PRKCZ: variants seen among roughly 807,000 people sequenced by gnomAD.
PRKCZ encodes protein kinase C zeta type.
Under a neutral mutation model 79.5 loss-of-function variants are expected in PRKCZ, and 33 were observed. That is an observed-to-expected ratio of 0.41 (90% CI 0.31 to 0.55). The LOEUF is 0.55. Ranked by LOEUF, PRKCZ falls within the 20% of genes least tolerant of loss-of-function variation. The pLI, the probability that PRKCZ is intolerant of heterozygous loss-of-function variation, is 0.19. For missense variants in PRKCZ, 578 were observed against 813.5 expected, an observed-to-expected ratio of 0.71 and a Z score of 3.52; for synonymous variants, 342 against 320.9, an observed-to-expected ratio of 1.07 and a Z score of -0.70.
In PRKCZ at chr1:2,094,467, C is replaced by A. The variant is rs1261287906; in HGVS notation, c.334+34876C>A. Reference sequence around the variant, plus strand: ...CACCCGCTGTGCCCGGCTCGTTGAACCTTGGGCGCTGCCCGTTCTGAGGCG... The same window carrying A: ...CACCCGCTGTGCCCGGCTCGTTGAAACTTGGGCGCTGCCCGTTCTGAGGCG... On this transcript the variant is annotated intron_variant, in intron 4 of 17. Transcript: ENST00000378567. The surrounding 1 kb of genome is among the most constrained non-coding windows in gnomAD (Gnocchi z 7.3). 1.4e-5 allele frequency among the ~76,000 whole-genome samples: 2 copies of A among 144,018 alleles called. No homozygotes were observed. Among genetic ancestry groups the A allele is most frequent in the East Asian group, 4.3e-4 (2 of 4,692 alleles). 94.5% of individuals were successfully genotyped at this position (144,018 alleles called of 152,430 possible). A position where few individuals can be genotyped will look rare whatever the true frequency, so the allele number is the denominator to read the frequency against.
Position 2,172,129 on chromosome 1 carries a change from T to A in PRKCZ, c.1136T>A (p.Leu379Gln), listed in dbSNP as rs1430371400. ...GGGATCATCTACAGGGACCTGAAGC[T>A]GGACAACGTCCTCCTGGATGCGGAC... ...ERGIIYRDLK[L>Q]DNVLLDADGH... Residue 379 changes from leucine (L) to glutamine (Q), a missense_variant, in exon 12 of 18, where the codon CTG becomes CAG. By Grantham distance (113) the Leu-to-Gln change is moderately radical. Transcript: ENST00000378567. This position sits in a 1 kb window ranked among gnomAD's most constrained non-coding sequence, Gnocchi z 7.8. 1 of 1,613,394 alleles carries A rather than the reference T, an allele frequency of 6.2e-7. No individual in the cohort carries two copies. The highest frequency in any genetic ancestry group is 8.5e-7 in the Non-Finnish European group (1 of 1,179,990).
intron 4 of PRKCZ, among the ~76,000 whole-genome samples, chr1:2,110,372 C>T (rs1474334457): frequency 2.0e-5 from 3 of 152,230 alleles, no homozygotes; most frequent in Non-Finnish European, 4.4e-5. Flanking sequence ...TCTGCAGCTC[C>T]GGCACTGGCT....
chr1:2,101,519 GTTCA>G (rs936765641), intron 4 of PRKCZ, among the ~76,000 whole-genome samples: 1 of 151,994 alleles, frequency 6.6e-6, no homozygotes, highest in Non-Finnish European at 1.5e-5. Flanking sequence ...CATTTCTTTC[GTTCA>G]TTCATTCATT....
At chr1:2,061,782 A>G (rs1169058457) in intron 4 of PRKCZ, among the ~76,000 whole-genome samples, 1 of 152,172 alleles carries the variant, frequency 6.6e-6, no homozygotes, top group African/African-American at 2.4e-5. Flanking sequence ...GTCCCAGGCC[A>G]CCAGGGCTTA....
chr1:2,110,044 C>T (rs1350135648), intron 4 of PRKCZ, among the ~76,000 whole-genome samples: 1 of 151,726 alleles, frequency 6.6e-6, no homozygotes, highest in East Asian at 1.9e-4. Context: ...TGGGGGCAGC[C>T]AAGGACCTAA....
At position 2,178,155 on chromosome 1, in the gene PRKCZ, C is replaced by T. The variant is rs1261056559; in HGVS notation, c.1575+2842C>T. On this transcript the variant is annotated intron_variant, in intron 16 of 17. Transcript: ENST00000378567. This position sits in a 1 kb window ranked among gnomAD's most constrained non-coding sequence, Gnocchi z 4.3. ...ATCCCAGAGTTACATGACGTCATCG[C>T]GATCACTTTCATCACCCTGTACCCA... is the stretch of plus-strand genomic sequence containing the variant. Among the ~76,000 whole-genome samples, 2 of 152,204 alleles carry T rather than the reference C, an allele frequency of 1.3e-5. No individual in the cohort carries two copies. Among genetic ancestry groups the T allele is most frequent in the Admixed American group, 6.5e-5 (1 of 15,286 alleles).
intron 1 of PRKCZ, among the ~76,000 whole-genome samples, chr1:2,051,687 C>T (rs1659674238): frequency 1.3e-5 from 2 of 152,164 alleles, no homozygotes; most frequent in Admixed American, 1.3e-4. Flanking sequence ...AGGCGGGTGA[C>T]AACTTCCCCG....
At chr1:2,180,698 C>G (rs554833746) in intron 16 of PRKCZ, among the ~76,000 whole-genome samples, 1 of 152,328 alleles carries the variant, frequency 6.6e-6, no homozygotes, top group Admixed American at 6.5e-5. Flanking sequence ...CTCAAACGCA[C>G]AGATGACTGG....
chr1:2,153,902 C>T (rs1353966603), intron 9 of PRKCZ, among the ~76,000 whole-genome samples: 1 of 152,248 alleles, frequency 6.6e-6, no homozygotes, highest in Non-Finnish European at 1.5e-5. Flanking sequence ...CACAAAAAGA[C>T]TGCACTCTCT....
At chr1:2,170,663 AC>A (rs1684250974) in intron 11 of PRKCZ, among the ~76,000 whole-genome samples, 1 of 152,022 alleles carries the variant, frequency 6.6e-6, no homozygotes, top group African/African-American at 2.4e-5. Flanking sequence ...CCCCAGCCTC[AC>A]ATCCTCACCC....
At chr1:2,097,213 C>T (rs564389794) in intron 4 of PRKCZ, among the ~76,000 whole-genome samples, 2 of 152,266 alleles carry the variant, frequency 1.3e-5, no homozygotes, top group East Asian at 1.9e-4. Flanking sequence ...GTGTCCATGC[C>T]CAGAGGTTCT....
chr1:2,078,906 G>A (rs1357222163), intron 4 of PRKCZ, among the ~76,000 whole-genome samples: 1 of 149,210 alleles, frequency 6.7e-6, no homozygotes, highest in East Asian at 2.0e-4. Flanking sequence ...GCAGTGGCGT[G>A]ATTTCGGCTC....
At chr1:2,100,968 G>T (rs1240745513) in intron 4 of PRKCZ, among the ~76,000 whole-genome samples, 2 of 148,600 alleles carry the variant, frequency 1.3e-5, no homozygotes, top group Non-Finnish European at 3.0e-5. Context: ...CTTTCGTCCT[G>T]TGTCTGACTT....
intron 5 of PRKCZ, among the ~76,000 whole-genome samples, chr1:2,139,293 A>G: frequency 6.6e-6 from 1 of 152,216 alleles, no homozygotes; most frequent in East Asian, 1.9e-4. Flanking sequence ...AAAGATGTTA[A>G]AAGTAATTAA....
At position 2,144,300 on chromosome 1, in the gene PRKCZ, C is replaced by T. The variant is rs1241214009; in HGVS notation, c.511C>T (p.Arg171Cys). 4 of 1,572,144 alleles carry T rather than the reference C, an allele frequency of 2.5e-6. No homozygotes were observed. Among genetic ancestry groups the T allele is most frequent in the Admixed American group, 3.8e-5 (2 of 52,886 alleles). The change falls in exon 6 of 18, where the codon CGC (arginine) becomes TGC (cysteine). Residue 171 changes from arginine to cysteine, a missense_variant. This residue lies in a region of PRKCZ where 16 missense variants were observed against 37.4 expected (regional missense o/e 0.43). Coordinates refer to ENST00000378567, the MANE Select transcript of PRKCZ (RefSeq NM_002744.6). The stretch of plus-strand genomic sequence containing the variant: ...CAACTGCAAACTGCTGGTCCATAAG[C>T]GCTGCCACGGCCTCGTCCCGCTGAC... ...CINCKLLVHK[R>C]CHGLVPLTCR... is the part of the protein sequence containing the mutation.
intron 4 of PRKCZ, among the ~76,000 whole-genome samples, chr1:2,089,373 C>T (rs548676658): frequency 9.4e-4 from 143 of 152,208 alleles, no homozygotes; most frequent in African/African-American, 3.3e-3. Flanking sequence ...GAGGCAGGGC[C>T]GTCTCTGGTC....
chr1:2,091,515 C>A (rs1159694489), intron 4 of PRKCZ, among the ~76,000 whole-genome samples: 3 of 152,148 alleles, frequency 2.0e-5, no homozygotes, highest in Admixed American at 6.5e-5. Flanking sequence ...GATGTCTCGC[C>A]GTCCTCGCTG....
chr1:2,074,599 G>A (rs914060973), intron 4 of PRKCZ: 22 of 486,988 alleles, frequency 4.5e-5, no homozygotes, highest in African/African-American at 1.2e-4. Flanking sequence ...TTTCCGTCTC[G>A]AGCCTGCCCT....
chr1:2,074,568 A>G (rs975084538), intron 4 of PRKCZ: 2 of 554,008 alleles, frequency 3.6e-6, no homozygotes, highest in African/African-American at 3.8e-5. Flanking sequence ...AACAGCCAGC[A>G]CCTGTTCCAG....
Sources: allele counts gnomAD v4.1 joint callset (sites outside exome capture counted in the v4.1 genomes callset), GRCh38; gene constraint gnomAD v4.1.1; regional missense constraint gnomAD v4.1.1; non-coding constraint Gnocchi (gnomAD v3.1); transcripts MANE v1.5; gene names NCBI Gene and HGNC (gene_info 2026-07-23, HGNC 2026-07-21).